The following PTN variants were observed in gnomAD, a reference collection of about 807,000 sequenced individuals.
The protein encoded by PTN is pleiotrophin, also known as heparin affin regulatory protein.
Under a neutral mutation model 24.1 loss-of-function variants are expected in PTN, and 18 were observed. The observed-to-expected ratio is 0.75, with a 90% CI of 0.52 to 1.11. PTN has a LOEUF of 1.11. Among genes scored for constraint, PTN ranks in the 50% least tolerant of loss-of-function variants. The pLI, the probability that PTN is intolerant of heterozygous loss-of-function variation, is 0.00. For synonymous variants in PTN, 78 were observed against 68.6 expected, an observed-to-expected ratio of 1.14 and a Z score of -0.67; for missense variants, 163 against 198.8, an observed-to-expected ratio of 0.82 and a Z score of 1.08.
intron 4 of PTN, among the ~76,000 whole-genome samples, chr7:137,233,629 G>A (rs181008665): frequency 1.0e-3 from 154 of 151,794 alleles, no homozygotes; most frequent in Non-Finnish European, 2.0e-3. Flanking sequence ...AAAGATCATG[G>A]GTATGTGGCA....
chr7:137,296,773 C>A (rs1253279884), intron 1 of PTN, among the ~76,000 whole-genome samples: 6 of 152,156 alleles, frequency 3.9e-5, no homozygotes, highest in African/African-American at 7.2e-5. Flanking sequence ...TAATTGCACA[C>A]TAGTGAAACA....
chr7:137,239,374 T>TTTTATTTATTTATTTA (rs60204827), intron 4 of PTN, among the ~76,000 whole-genome samples: 58 of 147,834 alleles, frequency 3.9e-4, no homozygotes, highest in African/African-American at 1.4e-3. Flanking sequence ...TAATTTTCTT[T>TTTTATTTATTTATTTA]TTTATTTATT....
At chr7:137,343,338 C>T (rs1397382319) in intron 1 of PTN, 101 bp downstream of exon 1, 6 of 395,368 alleles carry the variant, frequency 1.5e-5, no homozygotes, top group Non-Finnish European at 3.1e-5. Flanking sequence ...GCCTCTCTCA[C>T]CCCTACCACC....
At chr7:137,318,605 A>T (rs1164636018) in intron 1 of PTN, 2 of 152,186 alleles carry the variant, frequency 1.3e-5, no homozygotes, top group Non-Finnish European at 2.9e-5. Flanking sequence ...TATGCTGCGA[A>T]TTAATACGTG....
At chr7:137,287,473 T>TA (rs1809575495) in intron 1 of PTN, among the ~76,000 whole-genome samples, 1 of 151,718 alleles carries the variant, frequency 6.6e-6, no homozygotes, top group Admixed American at 6.6e-5. Context: ...CAGAGAATTG[T>TA]AAAAAGGGAG....
chr7:137,293,103 T>C (rs956247958), intron 1 of PTN, among the ~76,000 whole-genome samples: 1 of 152,184 alleles, frequency 6.6e-6, no homozygotes, highest in African/African-American at 2.4e-5. Context: ...CAAAATGTAA[T>C]AAGCCACAAG....
At position 137,239,407 on chromosome 7, in the gene PTN, T is replaced by TTTATTTATTTATTTA. The variant is rs1431635224; in HGVS notation, c.452-11333_452-11332insTAAATAAATAAATAA. On this transcript the variant is annotated intron_variant, in intron 4 of 4. Coordinates refer to ENST00000348225, the MANE Select transcript of PTN (RefSeq NM_002825.7). ...ATTTATTTATTTATTTATTTATTTA[T>TTTATTTATTTATTTA]TTATTATTATACTTTAAGTTTTAGG... Among the ~76,000 whole-genome samples the TTTATTTATTTATTTA allele has an allele frequency of 8.1e-3, 1,159 of 143,090 alleles. 14 individuals carry two copies. The highest frequency in any genetic ancestry group is 0.025 in the African/African-American group (985 of 39,700). 93.9% of individuals were successfully genotyped at this position (143,090 alleles called of 152,430 possible).
intron 1 of PTN, among the ~76,000 whole-genome samples, chr7:137,278,056 C>T (rs1809394902): frequency 6.6e-6 from 1 of 151,634 alleles, no homozygotes; most frequent in Admixed American, 6.6e-5. Context: ...GCCTGTAATC[C>T]CAGCACTTTG....
At position 137,319,518 on chromosome 7, in the gene PTN, C is replaced by A. The variant is rs1407580315; in HGVS notation, c.-2+23921G>T. Among the ~76,000 whole-genome samples, 14 of 152,200 alleles carry A rather than the reference C, an allele frequency of 9.2e-5. 1 individual carries two copies. Among genetic ancestry groups the A allele is most frequent in the Admixed American group, 9.2e-4 (14 of 15,280 alleles). On this transcript the variant is annotated intron_variant, in intron 1 of 4. Transcript: ENST00000348225. ...ACATCTCTTTGTCACTTCACCAAGACCACAGTCCTCCTTGTTTAGCTGGCA... is the reference window on the plus strand; with the variant it reads ...ACATCTCTTTGTCACTTCACCAAGAACACAGTCCTCCTTGTTTAGCTGGCA...
chr7:137,233,193 G>A (rs988477382), intron 4 of PTN, among the ~76,000 whole-genome samples: 2 of 151,882 alleles, frequency 1.3e-5, no homozygotes, highest in African/African-American at 4.8e-5. Context: ...TAGGTACGGT[G>A]AGACAATGAA....
At chr7:137,294,065 C>T (rs188172962) in intron 1 of PTN, among the ~76,000 whole-genome samples, 6 of 151,980 alleles carry the variant, frequency 3.9e-5, no homozygotes, top group African/African-American at 1.4e-4. Context: ...TCTCTTTGTC[C>T]CCTTTTATTT....
At chr7:137,262,803 T>C (rs940410338) in intron 1 of PTN, among the ~76,000 whole-genome samples, 16 of 152,204 alleles carry the variant, frequency 1.1e-4, no homozygotes, top group African/African-American at 3.9e-4. Context: ...CTGGAATCTA[T>C]AGATAACAAC....
At chr7:137,239,151 C>T (rs1476815465) in intron 4 of PTN, among the ~76,000 whole-genome samples, 2 of 152,112 alleles carry the variant, frequency 1.3e-5, no homozygotes, top group Non-Finnish European at 2.9e-5. Flanking sequence ...ACCAAAAATT[C>T]TTCAATAAGG....
intron 1 of PTN, among the ~76,000 whole-genome samples, chr7:137,279,756 A>T (rs74586609): frequency 6.6e-6 from 1 of 152,218 alleles, no homozygotes; most frequent in Non-Finnish European, 1.5e-5. Context: ...AATTTTGAAC[A>T]AAGAAAGGCC....
intron 1 of PTN, among the ~76,000 whole-genome samples, chr7:137,299,557 C>T (rs1281509483): frequency 2.0e-5 from 3 of 151,832 alleles, no homozygotes; most frequent in Non-Finnish European, 4.4e-5. Context: ...TAAAAAGAAG[C>T]TTTCCTCATG....
intron 1 of PTN, among the ~76,000 whole-genome samples, chr7:137,333,906 A>G (rs1810402368): frequency 6.6e-6 from 1 of 152,200 alleles, no homozygotes; most frequent in Admixed American, 6.5e-5. Context: ...TAACTATCTG[A>G]TCTTTGACAA....
At chr7:137,278,940 C>A (rs1809416048) in intron 1 of PTN, among the ~76,000 whole-genome samples, 1 of 74,458 alleles carries the variant, frequency 1.3e-5, no homozygotes, top group Non-Finnish European at 2.7e-5. Flanking sequence ...GACTCCATCT[C>A]AGAACAATAA....
chr7:137,287,933 C>T (rs1809582805), intron 1 of PTN, among the ~76,000 whole-genome samples: 1 of 152,128 alleles, frequency 6.6e-6, no homozygotes, highest in Non-Finnish European at 1.5e-5. Flanking sequence ...CACTTGAGTT[C>T]CCCTAGAAAA....
At position 137,255,339 on chromosome 7, in the gene PTN, C is replaced by T. The variant is rs1197436560; in HGVS notation, c.-1-365G>A. 2.6e-5 allele frequency among the ~76,000 whole-genome samples: 4 copies of T among 152,170 alleles called. No homozygotes were observed. The East Asian group carries it at 7.7e-4, about 29-fold the overall frequency. On this transcript the variant is annotated intron_variant, in intron 1 of 4. Coordinates refer to ENST00000348225, the MANE Select transcript of PTN (RefSeq NM_002825.7). ...ACTTGGTAATATCGACAACTACAGC[C>T]ATCTTCAAAATTCCTGACAATATTA...
Sources: gnomAD v4.1 joint callset for allele counts (sites outside exome capture counted in the v4.1 genomes callset) on GRCh38, gnomAD v4.1.1 for gene constraint, MANE v1.5 for transcripts, NCBI Gene and HGNC (gene_info 2026-07-23, HGNC 2026-07-21) for gene names.